Variants in PXDNL observed in about 807,000 individuals in gnomAD.
PXDNL encodes peroxidasin like.
A neutral mutation model predicts 150.8 loss-of-function variants in PXDNL; 145 were observed. The ratio of observed to expected loss-of-function variants is 0.96; its 90% CI spans 0.84 to 1.10. The LOEUF is 1.10. Ranked by LOEUF, PXDNL falls within the 50% of genes least tolerant of loss-of-function variation. The pLI, the probability that PXDNL is intolerant of heterozygous loss-of-function variation, is 0.00. For synonymous variants in PXDNL, 757 were observed against 725.7 expected (o/e 1.04, Z -0.69); for missense variants, 2,087 against 1,873.9 (o/e 1.11, Z -2.10).
intron 1 of PXDNL, among the ~76,000 whole-genome samples, chr8:51,741,985 C>A (rs1005112100): frequency 2.0e-5 from 3 of 152,138 alleles, no homozygotes; most frequent in Admixed American, 6.5e-5. Flanking sequence ...GTGGAAACAA[C>A]CAAATATGCT....
chr8:51,449,214 T>C, intron 10 of PXDNL, 96 bp from the exon 11 acceptor site: 1 of 661,640 alleles, frequency 1.5e-6, no homozygotes, highest in East Asian at 2.8e-5. Context: ...TGTCATGTGA[T>C]CAGAATTTGT....
At chr8:51,771,463 G>C (rs567206349) in intron 1 of PXDNL, among the ~76,000 whole-genome samples, 1 of 152,270 alleles carries the variant, frequency 6.6e-6, no homozygotes, top group South Asian at 2.1e-4. Context: ...GCGGTGACAC[G>C]CAAAGTGCCC....
chr8:51,376,408 T>C (rs890345758), intron 17 of PXDNL, among the ~76,000 whole-genome samples: 1 of 152,204 alleles, frequency 6.6e-6, no homozygotes, highest in Admixed American at 6.5e-5. Flanking sequence ...GATTTCCAAG[T>C]GCCTGCTTGA....
intron 5 of PXDNL, among the ~76,000 whole-genome samples, chr8:51,485,966 T>C (rs999284353): frequency 2.0e-5 from 3 of 152,308 alleles, no homozygotes; most frequent in African/African-American, 7.2e-5. Context: ...TAGATTGCAC[T>C]AAACCTCGGG....
intron 3 of PXDNL, among the ~76,000 whole-genome samples, chr8:51,585,758 C>G (rs1188516672): frequency 2.6e-5 from 4 of 152,094 alleles, no homozygotes; most frequent in Admixed American, 6.5e-5. Flanking sequence ...GCCCTTCCAT[C>G]CATTCATTAA....
Position 51,344,748 on chromosome 8 carries a change from AT to A in PXDNL, c.4016+1084del, listed in dbSNP as rs541139415. ...ATGCCTGTAAAATGCTAGGTACTAT[AT>A]TAGTATTCAGTGCTTTACATATGTA... On this transcript the variant is annotated intron_variant, in intron 20 of 22. Coordinates refer to ENST00000356297, the MANE Select transcript of PXDNL (RefSeq NM_144651.5). Among the ~76,000 whole-genome samples the A allele has an allele frequency of 7.7e-4, 117 of 152,334 alleles. 2 individuals are homozygous for A. In the South Asian group the frequency reaches 0.023, roughly 30 times the overall value.
intron 1 of PXDNL, among the ~76,000 whole-genome samples, chr8:51,676,564 A>G (rs60640945): frequency 0.028 from 4,278 of 151,654 alleles, 204 homozygotes; most frequent in African/African-American, 0.098. Context: ...GGCGTGAGCC[A>G]CCATGCCTGG....
At chr8:51,634,090 T>C (rs1431099853) in intron 2 of PXDNL, among the ~76,000 whole-genome samples, 1 of 152,120 alleles carries the variant, frequency 6.6e-6, no homozygotes, top group African/African-American at 2.4e-5. Context: ...CTAGGTTTTC[T>C]AGGATTTTTA....
chr8:51,354,594 G>A (rs918505226), intron 19 of PXDNL, among the ~76,000 whole-genome samples: 6 of 152,030 alleles, frequency 3.9e-5, no homozygotes, highest in Admixed American at 6.5e-5. Context: ...CATATCTAAC[G>A]GGAAAATACT....
intron 17 of PXDNL, among the ~76,000 whole-genome samples, chr8:51,385,262 G>A (rs1231568220): frequency 6.6e-6 from 1 of 151,420 alleles, no homozygotes; most frequent in Non-Finnish European, 1.5e-5. Flanking sequence ...AACATCAAGT[G>A]TTAAAGACAC....
intron 9 of PXDNL, among the ~76,000 whole-genome samples, chr8:51,455,193 A>G (rs1234230343): frequency 6.6e-6 from 1 of 151,688 alleles, no homozygotes; most frequent in Non-Finnish European, 1.5e-5. Flanking sequence ...TTCCGAGGTA[A>G]GTCAGTGGCA....
intron 4 of PXDNL, among the ~76,000 whole-genome samples, chr8:51,535,717 AAAAAT>A (rs1388266762): frequency 7.2e-6 from 1 of 138,612 alleles, no homozygotes; most frequent in African/African-American, 3.1e-5. Context: ...TGATCAATAA[AAAAAT>A]AAATAAATAA....
At chr8:51,475,310 C>T (rs1050190665) in intron 6 of PXDNL, among the ~76,000 whole-genome samples, 169 bp from the exon 7 acceptor site, 25 of 152,208 alleles carry the variant, frequency 1.6e-4, no homozygotes, top group Non-Finnish European at 1.5e-5. Flanking sequence ...TAACTCATTG[C>T]ATATCTTGCA....
intron 17 of PXDNL, among the ~76,000 whole-genome samples, chr8:51,402,101 G>A (rs2130865420): frequency 6.6e-6 from 1 of 152,318 alleles, no homozygotes; most frequent in East Asian, 1.9e-4. Flanking sequence ...TGAAACCCAA[G>A]AGTAGAAAGA....
At chr8:51,749,308 C>T (rs2037017631) in intron 1 of PXDNL, among the ~76,000 whole-genome samples, 1 of 152,060 alleles carries the variant, frequency 6.6e-6, no homozygotes, top group African/African-American at 2.4e-5. Context: ...GAAATATGTC[C>T]TTAGAAGATT....
chr8:51,372,204 T>C (rs1037059004), intron 18 of PXDNL, 123 bp from the exon 19 acceptor site: 9 of 650,876 alleles, frequency 1.4e-5, no homozygotes, highest in South Asian at 3.9e-5. Flanking sequence ...GAAAGAATTA[T>C]GCTTGTTCTC....
chr8:51,594,830 A>C (rs1813527452), intron 2 of PXDNL, among the ~76,000 whole-genome samples: 1 of 152,180 alleles, frequency 6.6e-6, no homozygotes. Context: ...CATTTATGTT[A>C]TGTTGTTTTA....
chr8:51,627,124 A>G (rs1046305320), intron 2 of PXDNL, among the ~76,000 whole-genome samples: 6 of 152,232 alleles, frequency 3.9e-5, no homozygotes, highest in African/African-American at 1.4e-4. Flanking sequence ...AAACAAATTA[A>G]TCATGAACCA....
At chr8:51,700,040 T>G (rs1816219724) in intron 1 of PXDNL, among the ~76,000 whole-genome samples, 1 of 152,058 alleles carries the variant, frequency 6.6e-6, no homozygotes, top group Non-Finnish European at 1.5e-5. Flanking sequence ...AGTGAGCACA[T>G]GCTGTTAAGA....
Sources: allele counts gnomAD v4.1 joint callset (sites outside exome capture counted in the v4.1 genomes callset), GRCh38; gene constraint gnomAD v4.1.1; transcripts MANE v1.5; gene names NCBI Gene and HGNC (gene_info 2026-07-23, HGNC 2026-07-21).